Variants in AGBL4 observed in about 807,000 individuals in gnomAD.
AGBL4 encodes the protein cytosolic carboxypeptidase 6.
A neutral mutation model predicts 66.4 loss-of-function variants in AGBL4; 58 were observed. The observed-to-expected ratio is 0.87, with a 90% CI of 0.71 to 1.09. The LOEUF (loss-of-function observed/expected upper bound fraction) is 1.09. Among genes scored for constraint, AGBL4 ranks in the 50% least tolerant of loss-of-function variants. The pLI is 0.00. For synonymous variants in AGBL4, 234 were observed against 222.9 expected, an observed-to-expected ratio of 1.05 and a Z score of -0.44; for missense variants, 579 against 631.0, an observed-to-expected ratio of 0.92 and a Z score of 0.88.
intron 3 of AGBL4, among the ~76,000 whole-genome samples, chr1:49,350,106 T>C (rs549080815): frequency 1.8e-4 from 27 of 152,260 alleles, no homozygotes; most frequent in African/African-American, 5.8e-4. Flanking sequence ...TTTTGTTTAC[T>C]GATATATGTC....
At chr1:49,660,345 A>T (rs770424774) in intron 3 of AGBL4, among the ~76,000 whole-genome samples, 82 of 152,186 alleles carry the variant, frequency 5.4e-4, no homozygotes, top group Non-Finnish European at 1.0e-3. Flanking sequence ...AACAAACATG[A>T]AAAAAAGCTT....
intron 3 of AGBL4, among the ~76,000 whole-genome samples, chr1:49,447,413 C>A (rs570725739): frequency 2.0e-5 from 3 of 152,112 alleles, no homozygotes; most frequent in Admixed American, 6.5e-5. Context: ...TTGCTGCAGC[C>A]CTCTGAGTAG....
chr1:49,587,846 TTTATTA>T (rs377603416), intron 3 of AGBL4, among the ~76,000 whole-genome samples: 1 of 151,838 alleles, frequency 6.6e-6, no homozygotes, highest in Admixed American at 6.6e-5. Context: ...GATTTTTAAA[TTTATTA>T]TTATTATTAT....
rs922997908 is a variant in AGBL4, at chr1:49,711,837, G to A, written c.158-14400C>T. ...TAAATTTAGTGTTTCCCTTTTACAT[G>A]CATTTTTTGAAATAAGTATTACGCA... On this transcript the variant is annotated intron_variant, in intron 2 of 13. Transcript: ENST00000371839. 2.0e-5 allele frequency among the ~76,000 whole-genome samples: 3 copies of A among 152,062 alleles called. 1 individual carries two copies. The East Asian group carries it at 5.8e-4, about 29-fold the overall frequency.
At chr1:49,540,363 A>G (rs1028993371) in intron 3 of AGBL4, among the ~76,000 whole-genome samples, 1 of 152,186 alleles carries the variant, frequency 6.6e-6, no homozygotes, top group African/African-American at 2.4e-5. Flanking sequence ...TCAAAGTCTA[A>G]CTCAAATGCC....
intron 1 of AGBL4, among the ~76,000 whole-genome samples, chr1:50,000,178 C>T (rs1275507328): frequency 1.3e-5 from 2 of 152,172 alleles, no homozygotes; most frequent in South Asian, 2.1e-4. Context: ...ATACAGCTGG[C>T]AAAGGACTAA....
chr1:48,762,997 C>T (rs1017124497), intron 6 of AGBL4, among the ~76,000 whole-genome samples: 1 of 152,054 alleles, frequency 6.6e-6, no homozygotes, highest in Non-Finnish European at 1.5e-5. Context: ...ACAGTGCCTG[C>T]TACACACTGA....
chr1:48,817,740 C>T (rs2153323), intron 6 of AGBL4: 306,046 of 320,382 alleles, frequency 0.96, 147,682 homozygotes, highest in South Asian at 1. Flanking sequence ...ACAGTAGCAA[C>T]AGGACTGGAA....
At chr1:49,379,590 C>T (rs7537888) in intron 3 of AGBL4, among the ~76,000 whole-genome samples, 2 of 151,704 alleles carry the variant, frequency 1.3e-5, no homozygotes, top group African/African-American at 2.4e-5. Flanking sequence ...TAGCATGAAG[C>T]GTTGTTGAAT....
intron 2 of AGBL4, among the ~76,000 whole-genome samples, chr1:49,809,403 G>T (rs867788465): frequency 1.4e-5 from 2 of 147,274 alleles, no homozygotes; most frequent in Middle Eastern, 3.5e-3. Context: ...CAAAAATGGT[G>T]TTCTGGACAA....
intron 1 of AGBL4, among the ~76,000 whole-genome samples, chr1:49,947,069 A>G (rs1310301606): frequency 6.6e-6 from 1 of 151,356 alleles, no homozygotes; most frequent in Non-Finnish European, 1.5e-5. Context: ...AATTAAAAAA[A>G]AAAGTTCAAG....
intron 3 of AGBL4, among the ~76,000 whole-genome samples, chr1:49,592,694 T>C (rs894648254): frequency 5.3e-5 from 8 of 152,136 alleles, no homozygotes; most frequent in African/African-American, 1.9e-4. Context: ...TGAGATATCA[T>C]CTCACACAAG....
intron 5 of AGBL4, among the ~76,000 whole-genome samples, chr1:48,948,854 A>G (rs192493078): frequency 2.0e-5 from 3 of 152,198 alleles, no homozygotes; most frequent in Admixed American, 2.0e-4. Flanking sequence ...CATAAGAGAT[A>G]CATGCATAAA....
intron 6 of AGBL4, among the ~76,000 whole-genome samples, chr1:48,864,146 C>T (rs1647765172): frequency 6.6e-6 from 1 of 151,944 alleles, no homozygotes; most frequent in Non-Finnish European, 1.5e-5. Flanking sequence ...AAAATCAATT[C>T]ACAGAAGAAA....
chr1:49,768,066 T>A (rs1292907022), intron 2 of AGBL4, among the ~76,000 whole-genome samples: 1 of 151,674 alleles, frequency 6.6e-6, no homozygotes, highest in Non-Finnish European at 1.5e-5. Flanking sequence ...CTAGACCTGA[T>A]GGATTCACAG....
chr1:48,587,089 A>G lies in AGBL4; in HGVS notation c.1182T>C (p.Thr394=), dbSNP rs1175641330. ...AGACCTCTAGGGTGTAGCAATAGGAAGTGTGGTCCAGGAGTCCACCGAGGA... is the reference window on the plus strand; with the variant it reads ...AGACCTCTAGGGTGTAGCAATAGGAGGTGTGGTCCAGGAGTCCACCGAGGA... ...RRFLGGLLDH[T]SYCYTLEVSF... Residue 394 remains threonine (T), a synonymous_variant, in exon 11 of 14, where the codon ACT becomes ACC. Transcript: ENST00000371839. 2 of 1,595,796 alleles carry G rather than the reference A, an allele frequency of 1.3e-6. No homozygotes were observed. The highest frequency in any genetic ancestry group is 1.7e-6 in the Non-Finnish European group (2 of 1,171,424).
At chr1:49,803,210 A>T (rs1347503820) in intron 2 of AGBL4, among the ~76,000 whole-genome samples, 1 of 152,016 alleles carries the variant, frequency 6.6e-6, no homozygotes, top group East Asian at 1.9e-4. Context: ...ATGTTCATTC[A>T]TTCTCTTCCT....
At position 49,021,784 on chromosome 1, in the gene AGBL4, C is replaced by T. The variant is rs531098545; in HGVS notation, c.594+23800G>A. Among the ~76,000 whole-genome samples, 9 of 152,252 alleles carry T rather than the reference C, an allele frequency of 5.9e-5. 1 individual carries two copies. Among genetic ancestry groups the T allele is most frequent in the South Asian group, 4.1e-4 (2 of 4,822 alleles). On this transcript the variant is annotated intron_variant, in intron 5 of 13. Transcript: ENST00000371839. The stretch of plus-strand genomic sequence containing the variant: ...ACTCCCAATCAGAAAACCAAGGTCA[C>T]GCTCCTAGGAACTTTACACATTTTC...
At chr1:48,523,622 T>C in the AGBL4 span, among the ~76,000 whole-genome samples, 1 of 152,190 alleles carries the variant, frequency 6.6e-6, no homozygotes, top group African/African-American at 2.4e-5. Context: ...TTAAGGCATG[T>C]ATGGCAAACA....
Sources: gnomAD v4.1 joint callset for allele counts (sites outside exome capture counted in the v4.1 genomes callset) on GRCh38, gnomAD v4.1.1 for gene constraint, MANE v1.5 for transcripts, NCBI Gene and HGNC (gene_info 2026-07-23, HGNC 2026-07-21) for gene names.